Variants in TOX3 observed in about 807,000 individuals in gnomAD.
TOX3 encodes TOX high mobility group box family member 3, also known as CAG trinucleotide repeat-containing gene F9 protein.
Under a neutral mutation model 64.3 loss-of-function variants are expected in TOX3, and 22 were observed. That is an observed-to-expected ratio of 0.34 (90% confidence interval 0.24 to 0.49). TOX3 has a LOEUF of 0.49. TOX3 is among the 20% of genes least tolerant of loss of function. The probability of loss-of-function intolerance (pLI) is 0.99; values close to 1 mark genes in which losing one functional copy is unlikely to be tolerated. For synonymous variants in TOX3, 291 were observed against 273.6 expected, an observed-to-expected ratio of 1.06 and a Z score of -0.63; for missense variants, 661 against 714.4, an observed-to-expected ratio of 0.93 and a Z score of 0.85.
rs555869522 is a variant in TOX3, at chr16:52,546,947, G to C, written c.-224C>G. The C allele has an allele frequency of 3.4e-3, 3,406 of 994,034 alleles. 82 individuals are homozygous for C. In the African/African-American group the frequency reaches 0.051, roughly 15 times the overall value. 61.6% of individuals were successfully genotyped at this position (994,034 alleles called of 1,614,324 possible). ...CGCGGGAGAGCGGGAGGCGGCCGGG[G>C]GGACGCGCCCCGCCGGGGCACCGAG... On this transcript the variant is annotated 5_prime_UTR_variant, in exon 1 of 7. Transcript: ENST00000219746.
At chr16:52,509,653 GC>G (rs1302581446) in intron 1 of TOX3, among the ~76,000 whole-genome samples, 1 of 151,950 alleles carries the variant, frequency 6.6e-6, no homozygotes, top group Non-Finnish European at 1.5e-5. Context: ...AATCACACAC[GC>G]CCACTCACAA....
At chr16:52,504,592 C>T (rs1392632180) in intron 1 of TOX3, among the ~76,000 whole-genome samples, 2 of 152,042 alleles carry the variant, frequency 1.3e-5, no homozygotes, top group African/African-American at 2.4e-5. Context: ...CTCCAGCTCA[C>T]GTGACATTTC....
chr16:52,529,474 C>T (rs1050942779), intron 1 of TOX3, among the ~76,000 whole-genome samples: 3 of 152,082 alleles, frequency 2.0e-5, no homozygotes, highest in East Asian at 1.9e-4. Flanking sequence ...CATAGCCTGC[C>T]TTTCTCTACA....
intron 3 of TOX3, among the ~76,000 whole-genome samples, chr16:52,458,061 C>T (rs1960574749): frequency 6.6e-6 from 1 of 152,146 alleles, no homozygotes; most frequent in African/African-American, 2.4e-5. Context: ...TTATTCAGTC[C>T]TAAATTAAAA....
At chr16:52,456,310 T>G (rs780052385) in intron 3 of TOX3, among the ~76,000 whole-genome samples, 2 of 152,240 alleles carry the variant, frequency 1.3e-5, no homozygotes, top group African/African-American at 4.8e-5. Flanking sequence ...TATAAATGTA[T>G]AGCCTGCCAC....
intron 6 of TOX3, among the ~76,000 whole-genome samples, chr16:52,444,022 A>G (rs944018548): frequency 2.6e-5 from 4 of 152,222 alleles, no homozygotes; most frequent in African/African-American, 9.6e-5. Context: ...TTTAAAATTT[A>G]TGTATATAGC....
intron 4 of TOX3, among the ~76,000 whole-genome samples, chr16:52,448,635 T>TGATGCTTCA (rs1960238473): frequency 6.6e-6 from 1 of 152,200 alleles, no homozygotes; most frequent in Admixed American, 6.5e-5. Context: ...CAGCATCACT[T>TGATGCTTCA]GAACCTCCCT....
At chr16:52,492,084 C>T (rs1298597889) in intron 1 of TOX3, among the ~76,000 whole-genome samples, 3 of 151,878 alleles carry the variant, frequency 2.0e-5, no homozygotes, top group Non-Finnish European at 4.4e-5. Context: ...TTGTTCCTGT[C>T]TTTGTAAGTG....
At chr16:52,472,851 A>G (rs1459025113) in intron 1 of TOX3, among the ~76,000 whole-genome samples, 3 of 152,194 alleles carry the variant, frequency 2.0e-5, no homozygotes, top group Non-Finnish European at 2.9e-5. Context: ...GATAGGCTCT[A>G]ATAGATGTGA....
chr16:52,528,331 AT>A (rs1379147300), intron 1 of TOX3, among the ~76,000 whole-genome samples: 1 of 152,146 alleles, frequency 6.6e-6, no homozygotes, highest in African/African-American at 2.4e-5. Flanking sequence ...AACTGTATTA[AT>A]CACATACAAT....
rs535112011 is a variant in TOX3 at position 52,448,488 on chromosome 16, T to C, written c.678+1789A>G. ...CATATCCCTCAAGAGTCTTTAACCA[T>C]TACTTCTCAATCCTCTGGACTGAAG... On this transcript the variant is annotated intron_variant, in intron 4 of 6. Coordinates refer to ENST00000219746, the MANE Select transcript of TOX3 (RefSeq NM_001080430.4). 2.0e-4 allele frequency among the ~76,000 whole-genome samples: 30 copies of C among 152,290 alleles called. No individual in the cohort carries two copies. The South Asian group carries it at 3.1e-3, about 16-fold the overall frequency.
chr16:52,527,385 T>C (rs1390344426), intron 1 of TOX3, among the ~76,000 whole-genome samples: 3 of 152,142 alleles, frequency 2.0e-5, no homozygotes, highest in Non-Finnish European at 1.5e-5. Context: ...CTAAATAGCT[T>C]TGTGACTTAG....
rs892647130 is a variant in TOX3 at position 52,451,425 on chromosome 16, C to T, written c.409-879G>A. Among the ~76,000 whole-genome samples the T allele has an allele frequency of 6.6e-5, 10 of 152,098 alleles. No individual in the cohort carries two copies. The South Asian group carries it at 1.5e-3, about 22-fold the overall frequency. On this transcript the variant is annotated intron_variant, in intron 3 of 6. Transcript: ENST00000219746. ...TGTTCTTGGTAGTCATACAGAAAGG[C>T]CTTATAGTTGTTACTGCTTATTCTC...
At chr16:52,476,345 T>C (rs1961206858) in intron 1 of TOX3, among the ~76,000 whole-genome samples, 1 of 152,204 alleles carries the variant, frequency 6.6e-6, no homozygotes, top group South Asian at 2.1e-4. Flanking sequence ...GTGAATCGCA[T>C]AACCATCTGG....
At chr16:52,519,144 C>T (rs532862418) in intron 1 of TOX3, among the ~76,000 whole-genome samples, 2 of 152,194 alleles carry the variant, frequency 1.3e-5, no homozygotes, top group African/African-American at 2.4e-5. Flanking sequence ...GCGCTAAATG[C>T]ACCAGACAGA....
chr16:52,500,124 C>T (rs1961962024), intron 1 of TOX3, among the ~76,000 whole-genome samples: 1 of 152,192 alleles, frequency 6.6e-6, no homozygotes, highest in Non-Finnish European at 1.5e-5. Flanking sequence ...AGAAGAGATT[C>T]TGCTATATTT....
chr16:52,495,117 T>C (rs1961805981), intron 1 of TOX3, among the ~76,000 whole-genome samples: 1 of 152,328 alleles, frequency 6.6e-6, no homozygotes, highest in East Asian at 1.9e-4. Flanking sequence ...AAGATAATAC[T>C]GGTGCTAAAC....
intron 1 of TOX3, among the ~76,000 whole-genome samples, chr16:52,498,122 A>G (rs539632002): frequency 6.6e-6 from 1 of 152,314 alleles, no homozygotes; most frequent in East Asian, 1.9e-4. Context: ...GCTGCTCTCA[A>G]TGTATATGAC....
At chr16:52,468,461 C>A in intron 2 of TOX3, 48 bp downstream of exon 2, 2 of 1,531,750 alleles carry the variant, frequency 1.3e-6, no homozygotes, top group Non-Finnish European at 1.8e-6. Flanking sequence ...ATTAAATTAT[C>A]TCAATAACAC....
Sources: allele counts gnomAD v4.1 joint callset (sites outside exome capture counted in the v4.1 genomes callset), GRCh38; gene constraint gnomAD v4.1.1; transcripts MANE v1.5; gene names NCBI Gene and HGNC (gene_info 2026-07-23, HGNC 2026-07-21).